CAMK1D: variants seen among roughly 807,000 people sequenced by gnomAD.
The protein encoded by CAMK1D is calcium/calmodulin-dependent protein kinase type 1D.
CAMK1D carries 9 observed loss-of-function variants against 47.7 expected under a neutral mutation model. The ratio of observed to expected loss-of-function variants is 0.19; its 90% CI spans 0.11 to 0.33. The LOEUF (loss-of-function observed/expected upper bound fraction) is 0.33, where lower values mean the gene tolerates loss of function less well. CAMK1D is among the 10% of genes least tolerant of loss of function. CAMK1D has a pLI of 1.00. For synonymous variants in CAMK1D, 184 were observed against 184.9 expected, an observed-to-expected ratio of 0.99 and a Z score of 0.04; for missense variants, 291 against 488.7, an observed-to-expected ratio of 0.60 and a Z score of 3.81.
chr10:12,797,761 A>C (rs558870728), intron 6 of CAMK1D, among the ~76,000 whole-genome samples: 11 of 152,080 alleles, frequency 7.2e-5, no homozygotes, highest in Non-Finnish European at 1.5e-4. Flanking sequence ...GCTAAATGCC[A>C]CCTGTGGGTT....
chr10:12,427,251 G>C lies in CAMK1D; in HGVS notation c.92+77341G>C, dbSNP rs546039430. 1.2e-4 allele frequency among the ~76,000 whole-genome samples: 18 copies of C among 152,332 alleles called. No homozygotes were observed. In the South Asian group the frequency reaches 2.5e-3, roughly 21 times the overall value. On this transcript the variant is annotated intron_variant, in intron 1 of 10. Coordinates refer to ENST00000619168, the MANE Select transcript of CAMK1D (RefSeq NM_153498.4). Reference sequence around the variant, plus strand: ...TGGAGGGACTGATTCCAGAGGGTGGGTAGGGTTAGGGACCCAAAGACCAGT... The same window carrying C: ...TGGAGGGACTGATTCCAGAGGGTGGCTAGGGTTAGGGACCCAAAGACCAGT...
intron 6 of CAMK1D, among the ~76,000 whole-genome samples, chr10:12,792,782 T>C (rs1399553135): frequency 6.6e-6 from 1 of 152,238 alleles, no homozygotes; most frequent in Non-Finnish European, 1.5e-5. Flanking sequence ...TGGAAATTGG[T>C]AAAGGGCAGA....
chr10:12,743,115 G>A (rs1168937652), intron 3 of CAMK1D, among the ~76,000 whole-genome samples: 1 of 152,180 alleles, frequency 6.6e-6, no homozygotes, highest in African/African-American at 2.4e-5. Flanking sequence ...GGCCGAGGCA[G>A]GCAGATTGCT....
chr10:12,659,965 A>C (rs537087902), intron 2 of CAMK1D, among the ~76,000 whole-genome samples: 2 of 152,300 alleles, frequency 1.3e-5, no homozygotes, highest in Non-Finnish European at 2.9e-5. Flanking sequence ...TTGCAGGGCA[A>C]TCTGTGCCTC....
chr10:12,492,392 C>T (rs1834415103), intron 1 of CAMK1D, among the ~76,000 whole-genome samples: 1 of 151,196 alleles, frequency 6.6e-6, no homozygotes, highest in African/African-American at 2.4e-5. Flanking sequence ...GTGGCTCATA[C>T]CTGCCATCCA....
chr10:12,758,940 G>C (rs1279863274), intron 3 of CAMK1D, among the ~76,000 whole-genome samples: 1 of 152,204 alleles, frequency 6.6e-6, no homozygotes, highest in Non-Finnish European at 1.5e-5. Context: ...GGGCATAATC[G>C]TAACAGACGT....
intron 5 of CAMK1D, among the ~76,000 whole-genome samples, chr10:12,774,122 C>T (rs1463826647): frequency 6.6e-6 from 1 of 152,124 alleles, no homozygotes; most frequent in East Asian, 1.9e-4. Flanking sequence ...TAAAAATCCC[C>T]TCCCTAGTGG....
At chr10:12,515,415 TTTC>T (rs1247686047) in intron 1 of CAMK1D, among the ~76,000 whole-genome samples, 6 of 70,440 alleles carry the variant, frequency 8.5e-5, no homozygotes, top group South Asian at 5.2e-4. Context: ...TTTTTTTTTT[TTTC>T]TTTTTTTTTT....
intron 3 of CAMK1D, among the ~76,000 whole-genome samples, chr10:12,746,161 G>GAGATCATGCTGGCTAACACGGTGA (rs1835664014): frequency 6.6e-6 from 1 of 151,428 alleles, no homozygotes; most frequent in African/African-American, 2.5e-5. Context: ...TCAGGAGGTG[G>GAGATCATGCTGGCTAACACGGTGA]AGATCATCCT....
At chr10:12,399,966 A>C (rs969898661) in intron 1 of CAMK1D, among the ~76,000 whole-genome samples, 5 of 152,204 alleles carry the variant, frequency 3.3e-5, no homozygotes, top group African/African-American at 1.2e-4. Flanking sequence ...TATTGGTGAG[A>C]TGATGTGACT....
chr10:12,758,206 G>A (rs1295194952), intron 3 of CAMK1D, among the ~76,000 whole-genome samples: 1 of 151,918 alleles, frequency 6.6e-6, no homozygotes, highest in African/African-American at 2.4e-5. Flanking sequence ...ACCTCCAAAC[G>A]CCATCATCAC....
At chr10:12,815,958 C>A (rs555912669) in intron 7 of CAMK1D, among the ~76,000 whole-genome samples, 1 of 152,202 alleles carries the variant, frequency 6.6e-6, no homozygotes, top group African/African-American at 2.4e-5. Context: ...AAAGATATTT[C>A]TTCTCTTCTC....
At chr10:12,668,627 G>T (rs182684355) in intron 3 of CAMK1D, among the ~76,000 whole-genome samples, 11 of 152,300 alleles carry the variant, frequency 7.2e-5, no homozygotes, top group Middle Eastern at 3.4e-3. Context: ...TTCAGTACAC[G>T]TGGTTTCTCT....
intron 3 of CAMK1D, among the ~76,000 whole-genome samples, chr10:12,697,067 C>T (rs181601811): frequency 1.3e-5 from 2 of 152,134 alleles, no homozygotes; most frequent in East Asian, 1.9e-4. Flanking sequence ...AAAAATAGCC[C>T]GGCTTAGGGG....
intron 1 of CAMK1D, among the ~76,000 whole-genome samples, chr10:12,383,808 G>A (rs893904481): frequency 2.0e-5 from 3 of 152,212 alleles, no homozygotes; most frequent in Non-Finnish European, 2.9e-5. Context: ...AGCGACACAA[G>A]AGTGTCTGCT....
intron 2 of CAMK1D, among the ~76,000 whole-genome samples, chr10:12,596,947 T>C (rs1838163710): frequency 6.6e-6 from 1 of 152,160 alleles, no homozygotes; most frequent in South Asian, 2.1e-4. Flanking sequence ...CTGTCTTTGC[T>C]TTGAACACTC....
chr10:12,694,591 A>ATTT (rs1833181248), intron 3 of CAMK1D, among the ~76,000 whole-genome samples: 2 of 92,998 alleles, frequency 2.2e-5, no homozygotes, highest in Admixed American at 1.2e-4. Context: ...TATCATATAT[A>ATTT]AATATATAAT....
At chr10:12,700,608 G>C (rs117094525) in intron 3 of CAMK1D, among the ~76,000 whole-genome samples, 2,024 of 152,268 alleles carry the variant, frequency 0.013, 54 homozygotes, top group South Asian at 0.13. Flanking sequence ...CCTGCGGCCT[G>C]TTTCAAACAA....
intron 1 of CAMK1D, among the ~76,000 whole-genome samples, chr10:12,398,072 G>A (rs1230158589): frequency 6.6e-6 from 1 of 152,116 alleles, no homozygotes; most frequent in African/African-American, 2.4e-5. Context: ...GTAAATATTG[G>A]CATCTTGAAA....
Sources: allele counts gnomAD v4.1 joint callset (sites outside exome capture counted in the v4.1 genomes callset), GRCh38; gene constraint gnomAD v4.1.1; transcripts MANE v1.5; gene names NCBI Gene and HGNC (gene_info 2026-07-23, HGNC 2026-07-21).